The following GRM7 variants were observed in gnomAD, a reference collection of about 807,000 sequenced individuals.
The protein encoded by GRM7 is glutamate metabotropic receptor 7.
In GRM7, 35 loss-of-function variants were observed where a neutral mutation model predicts 84.5. The ratio of observed to expected loss-of-function variants is 0.41; its 90% CI spans 0.32 to 0.55. GRM7 has a LOEUF of 0.55. GRM7 is among the 20% of genes least tolerant of loss of function. The probability of loss-of-function intolerance (pLI) is 0.19; values close to 1 mark genes in which losing one functional copy is unlikely to be tolerated. For synonymous variants in GRM7, 487 were observed against 455.1 expected (o/e 1.07, Z -0.89); for missense variants, 1,003 against 1,194.6 (o/e 0.84, Z 2.36).
At chr3:7,274,372 A>C (rs1406886413) in intron 2 of GRM7, among the ~76,000 whole-genome samples, 2 of 152,042 alleles carry the variant, frequency 1.3e-5, no homozygotes, top group Non-Finnish European at 2.9e-5. Context: ...CCATGTAGAT[A>C]TGAGTTTCTG....
chr3:7,142,059 T>C (rs1338291859), intron 1 of GRM7, among the ~76,000 whole-genome samples: 2 of 152,072 alleles, frequency 1.3e-5, no homozygotes, highest in African/African-American at 2.4e-5. Flanking sequence ...GAGGATTTTG[T>C]TTTGACTTAT....
chr3:7,642,884 T>C (rs1254185227), intron 8 of GRM7, among the ~76,000 whole-genome samples: 1 of 152,094 alleles, frequency 6.6e-6, no homozygotes, highest in Non-Finnish European at 1.5e-5. Flanking sequence ...TTATAGATCA[T>C]GAATGGATCT....
intron 1 of GRM7, among the ~76,000 whole-genome samples, chr3:7,109,002 A>G (rs1247357497): frequency 6.6e-6 from 1 of 152,010 alleles, no homozygotes; most frequent in African/African-American, 2.4e-5. Flanking sequence ...TTTTTTCTTA[A>G]TTTAGAAAAT....
chr3:6,929,533 AT>A (rs146699255), intron 1 of GRM7, among the ~76,000 whole-genome samples: 1 of 151,384 alleles, frequency 6.6e-6, no homozygotes, highest in Non-Finnish European at 1.5e-5. Flanking sequence ...TTTTTACTTT[AT>A]TTTTTTTTCC....
Position 7,129,039 on chromosome 3 carries a change from C to CTA in GRM7, c.520-17413_520-17412insTA, listed in dbSNP as rs1315506286. On this transcript the variant is annotated intron_variant, in intron 1 of 9. Transcript: ENST00000357716. ...GTTGAACGTGTTTAGTGCACATTCA[C>CTA]GGATGTTCATAGCAGAGTTGGTATG... Among the ~76,000 whole-genome samples, 320 of 152,244 alleles carry CTA rather than the reference C, an allele frequency of 2.1e-3. 1 individual carries two copies. The highest frequency in any genetic ancestry group is 2.9e-3 in the Non-Finnish European group (200 of 68,008).
At chr3:7,326,790 C>T (rs1017269835) in intron 4 of GRM7, among the ~76,000 whole-genome samples, 8 of 150,798 alleles carry the variant, frequency 5.3e-5, no homozygotes, top group Non-Finnish European at 1.0e-4. Context: ...GCCGAGATCA[C>T]GCCATTGCAC....
chr3:7,297,816 C>G (rs1006692321), intron 2 of GRM7, among the ~76,000 whole-genome samples: 6 of 152,190 alleles, frequency 3.9e-5, no homozygotes. Flanking sequence ...AATATTTCCT[C>G]TACCCTTTTC....
intron 7 of GRM7, 75 bp downstream of exon 7, chr3:7,461,797 T>C: frequency 2.1e-6 from 3 of 1,397,698 alleles, no homozygotes; most frequent in Non-Finnish European, 3.0e-6. Context: ...GTTATACAAA[T>C]GTTTCTTGTT....
intron 7 of GRM7, among the ~76,000 whole-genome samples, chr3:7,553,643 G>A (rs1693607523): frequency 6.6e-6 from 1 of 152,106 alleles, no homozygotes; most frequent in African/African-American, 2.4e-5. Flanking sequence ...GTGTCAGAAA[G>A]GAAAAGTGCC....
intron 1 of GRM7, among the ~76,000 whole-genome samples, chr3:7,053,149 A>G (rs936222973): frequency 6.7e-6 from 1 of 149,180 alleles, no homozygotes; most frequent in African/African-American, 2.5e-5. Flanking sequence ...CATTTTTCTT[A>G]GGCTTAATGT....
At chr3:7,303,114 G>A (rs1406218970) in intron 3 of GRM7, among the ~76,000 whole-genome samples, 2 of 151,720 alleles carry the variant, frequency 1.3e-5, no homozygotes, top group Non-Finnish European at 2.9e-5. Flanking sequence ...CTAATTTTTT[G>A]TATTTTTAGT....
intron 7 of GRM7, among the ~76,000 whole-genome samples, chr3:7,572,591 G>A (rs545347972): frequency 2.2e-4 from 33 of 150,786 alleles, no homozygotes; most frequent in East Asian, 4.0e-4. Flanking sequence ...AGGCTGAAGC[G>A]GGCGGATCAC....
intron 7 of GRM7, among the ~76,000 whole-genome samples, chr3:7,526,667 T>C (rs1700818861): frequency 6.6e-6 from 1 of 152,084 alleles, no homozygotes; most frequent in Non-Finnish European, 1.5e-5. Context: ...GGTTTTAACA[T>C]TTAAGTTTTT....
intron 2 of GRM7, among the ~76,000 whole-genome samples, chr3:7,185,732 G>T (rs971858536): frequency 2.6e-5 from 4 of 152,188 alleles, no homozygotes; most frequent in Non-Finnish European, 5.9e-5. Flanking sequence ...GAAACTCTGG[G>T]AAGGGGATCC....
intron 5 of GRM7, among the ~76,000 whole-genome samples, chr3:7,416,813 C>T (rs1385745849): frequency 6.6e-6 from 1 of 152,054 alleles, no homozygotes. Flanking sequence ...CGACACAAAG[C>T]TTTCAAGTGG....
At chr3:7,075,729 T>G (rs538667130) in intron 1 of GRM7, among the ~76,000 whole-genome samples, 3 of 152,196 alleles carry the variant, frequency 2.0e-5, no homozygotes, top group African/African-American at 7.2e-5. Flanking sequence ...TTTCACCATG[T>G]TGGCCAGGCT....
intron 2 of GRM7, among the ~76,000 whole-genome samples, chr3:7,171,984 T>C (rs1694998497): frequency 6.6e-6 from 1 of 152,180 alleles, no homozygotes; most frequent in African/African-American, 2.4e-5. Context: ...AGAAGTAGGT[T>C]TAGAACATAA....
rs568159756 is a variant in GRM7, at chr3:7,740,331, C to G, written c.2699-26C>G. ...TTTGCAAACAGGGTTATTACTGCAA[C>G]TGACACTTTCTAATTTTTCTTTCAG... On this transcript the variant is annotated intron_variant, in intron 9 of 9. Coordinates refer to ENST00000357716, the MANE Select transcript of GRM7 (RefSeq NM_000844.4). 18 of 1,507,064 alleles carry G rather than the reference C, an allele frequency of 1.2e-5. No individual in the cohort carries two copies. In the African/African-American group the frequency reaches 2.4e-4, roughly 20 times the overall value. 93.4% of individuals were successfully genotyped at this position (1,507,064 alleles called of 1,614,324 possible).
At chr3:7,333,161 A>C (rs1171774389) in intron 4 of GRM7, among the ~76,000 whole-genome samples, 1 of 151,322 alleles carries the variant, frequency 6.6e-6, no homozygotes, top group East Asian at 1.9e-4. Context: ...GTCTGCCCAC[A>C]TGACAACTTC....
Sources: allele counts gnomAD v4.1 joint callset (sites outside exome capture counted in the v4.1 genomes callset), GRCh38; gene constraint gnomAD v4.1.1; transcripts MANE v1.5; gene names NCBI Gene and HGNC (gene_info 2026-07-23, HGNC 2026-07-21).